GRID1: variants seen among roughly 807,000 people sequenced by gnomAD.
GRID1 encodes glutamate receptor ionotropic, delta-1.
A neutral mutation model predicts 98.0 loss-of-function variants in GRID1; 28 were observed. That is an observed-to-expected ratio of 0.29 (90% CI 0.21 to 0.39). The LOEUF (loss-of-function observed/expected upper bound fraction) is 0.39, where lower values mean the gene tolerates loss of function less well. GRID1 is among the 10% of genes least tolerant of loss of function. The pLI, the probability that GRID1 is intolerant of heterozygous loss-of-function variation, is 1.00. For missense variants in GRID1, 1,111 were observed against 1,340.5 expected (o/e 0.83, Z 2.67); for synonymous variants, 553 against 538.5 (o/e 1.03, Z -0.37).
In GRID1 at chr10:86,222,744, T is replaced by A. The variant is rs1564710825; in HGVS notation, c.236-16096A>T. Among the ~76,000 whole-genome samples, 2 of 152,128 alleles carry A rather than the reference T, an allele frequency of 1.3e-5. 1 individual carries two copies. Among genetic ancestry groups the A allele is most frequent in the East Asian group, 3.9e-4 (2 of 5,172 alleles). ...GCATGGGCAAAACTGCATTATGCCA[T>A]TCCCCAAGTTGGAGTGGACACAAGT... is the stretch of plus-strand genomic sequence containing the variant. On this transcript the variant is annotated intron_variant, in intron 2 of 15. Transcript: ENST00000327946.
intron 15 of GRID1, among the ~76,000 whole-genome samples, chr10:85,612,775 C>T (rs1028337298): frequency 5.6e-4 from 85 of 151,870 alleles, no homozygotes; most frequent in African/African-American, 1.9e-3. Flanking sequence ...AGAACACAAA[C>T]CCAGTAAGAA....
At chr10:86,286,625 C>G (rs1056860011) in intron 2 of GRID1, among the ~76,000 whole-genome samples, 4 of 152,186 alleles carry the variant, frequency 2.6e-5, no homozygotes, top group African/African-American at 9.7e-5. Context: ...AGCAAATTGT[C>G]AAGATCCTGG....
chr10:85,901,961 C>T (rs1331437043), intron 5 of GRID1, among the ~76,000 whole-genome samples: 1 of 152,288 alleles, frequency 6.6e-6, no homozygotes, highest in South Asian at 2.1e-4. Flanking sequence ...TATAGAAGTG[C>T]ATTTCCAGTA....
At position 85,769,791 on chromosome 10, in the gene GRID1, C is replaced by T. The variant is rs373420248; in HGVS notation, c.1234-40177G>A. Reference sequence around the variant, plus strand: ...TGGGGGAGGGGCGCCTGCCATTGCCCAGGCTTGCTTAGGTAAACAAAGCAG... The same window carrying T: ...TGGGGGAGGGGCGCCTGCCATTGCCTAGGCTTGCTTAGGTAAACAAAGCAG... On this transcript the variant is annotated intron_variant, in intron 8 of 15. Transcript: ENST00000327946. 5.9e-5 allele frequency among the ~76,000 whole-genome samples: 9 copies of T among 152,370 alleles called. No homozygotes were observed. In the South Asian group the frequency reaches 1.9e-3, roughly 32 times the overall value.
intron 4 of GRID1, among the ~76,000 whole-genome samples, chr10:86,023,724 C>G (rs1339297453): frequency 6.6e-6 from 1 of 152,140 alleles, no homozygotes; most frequent in African/African-American, 2.4e-5. Flanking sequence ...GTATGATTTA[C>G]ACAGCCACAC....
intron 8 of GRID1, among the ~76,000 whole-genome samples, chr10:85,814,280 T>C (rs1030443565): frequency 1.3e-5 from 2 of 151,930 alleles, no homozygotes; most frequent in African/African-American, 4.8e-5. Flanking sequence ...TGTTGTGAAA[T>C]GTAGCCAAAG....
At chr10:85,713,815 A>T (rs181512035) in intron 12 of GRID1, among the ~76,000 whole-genome samples, 1 of 152,076 alleles carries the variant, frequency 6.6e-6, no homozygotes, top group Non-Finnish European at 1.5e-5. Flanking sequence ...TTCATGATAA[A>T]AATTTTCAGC....
intron 12 of GRID1, among the ~76,000 whole-genome samples, chr10:85,684,792 A>C (rs1841249996): frequency 6.6e-6 from 1 of 152,202 alleles, no homozygotes; most frequent in Non-Finnish European, 1.5e-5. Context: ...GAAGTCCAAG[A>C]TCAGGGTGCT....
In GRID1 at chr10:85,601,519, A is replaced by T. The variant is rs1052389295; in HGVS notation, c.*754T>A. The T allele has an allele frequency of 1.3e-5, 2 of 152,228 alleles. No homozygotes were observed. The highest frequency in any genetic ancestry group is 4.8e-5 in the African/African-American group (2 of 41,450). 9.4% of individuals were successfully genotyped at this position (152,228 alleles called of 1,614,324 possible). ...CTTCTAATTTTGAAAAGAAAATGAA[A>T]AACAAGGCCAACAGTATGATATGAG... On this transcript the variant is annotated 3_prime_UTR_variant, in exon 16 of 16. Coordinates refer to ENST00000327946, the MANE Select transcript of GRID1 (RefSeq NM_017551.3).
chr10:86,271,402 T>C (rs1223510350), intron 2 of GRID1, among the ~76,000 whole-genome samples: 1 of 152,108 alleles, frequency 6.6e-6, no homozygotes, highest in Non-Finnish European at 1.5e-5. Flanking sequence ...CAAAACTGAT[T>C]AGGTATGTAG....
At chr10:85,933,626 G>A (rs1441659744) in intron 4 of GRID1, among the ~76,000 whole-genome samples, 1 of 152,182 alleles carries the variant, frequency 6.6e-6, no homozygotes, top group East Asian at 1.9e-4. Flanking sequence ...ATCAAGCAGT[G>A]AAACAGACAC....
At chr10:86,345,433 G>A (rs1564744750) in intron 2 of GRID1, among the ~76,000 whole-genome samples, 1 of 152,210 alleles carries the variant, frequency 6.6e-6, no homozygotes, top group Non-Finnish European at 1.5e-5. Flanking sequence ...TAGCCTAGCA[G>A]CCTGGTCCTC....
intron 4 of GRID1, among the ~76,000 whole-genome samples, chr10:86,138,249 T>C (rs932937112): frequency 2.0e-5 from 3 of 152,238 alleles, no homozygotes; most frequent in African/African-American, 7.2e-5. Context: ...TACTAACCAA[T>C]GGATTCTTAA....
chr10:85,745,970 G>A (rs1376755412), intron 8 of GRID1, among the ~76,000 whole-genome samples: 2 of 152,172 alleles, frequency 1.3e-5, no homozygotes, highest in African/African-American at 2.4e-5. Flanking sequence ...TTAACGACAT[G>A]AGACATGAAT....
At chr10:85,648,278 C>T (rs904279134) in intron 12 of GRID1, among the ~76,000 whole-genome samples, 2 of 152,008 alleles carry the variant, frequency 1.3e-5, no homozygotes, top group Non-Finnish European at 2.9e-5. Context: ...TGGGGAAGGA[C>T]AAATAGTCAC....
intron 8 of GRID1, among the ~76,000 whole-genome samples, chr10:85,773,805 C>A (rs183842424): frequency 1.3e-5 from 2 of 152,324 alleles, no homozygotes; most frequent in East Asian, 1.9e-4. Flanking sequence ...CTACAAACCA[C>A]TGCTCAATGA....
chr10:86,078,084 G>A (rs898204551), intron 4 of GRID1, among the ~76,000 whole-genome samples: 7 of 152,232 alleles, frequency 4.6e-5, no homozygotes, highest in Non-Finnish European at 7.3e-5. Flanking sequence ...TGCCAGGGCC[G>A]GCACTCATGC....
At chr10:86,091,451 ACCCCCAT>A (rs1248263130) in intron 4 of GRID1, among the ~76,000 whole-genome samples, 9 of 150,950 alleles carry the variant, frequency 6.0e-5, no homozygotes, top group Non-Finnish European at 8.9e-5. Context: ...TGAGAATCTC[ACCCCCAT>A]CCCCCACAGC....
At chr10:85,729,468 G>T in intron 9 of GRID1, 45 bp downstream of exon 9, 1 of 1,108,862 alleles carries the variant, frequency 9.0e-7, no homozygotes, top group Non-Finnish European at 1.4e-6. Context: ...TGATTCAACA[G>T]CCTGGATGGT....
Sources: allele counts gnomAD v4.1 joint callset (sites outside exome capture counted in the v4.1 genomes callset), GRCh38; gene constraint gnomAD v4.1.1; transcripts MANE v1.5; gene names NCBI Gene and HGNC (gene_info 2026-07-23, HGNC 2026-07-21).